The following APPL2 variants were observed in gnomAD, a reference collection of about 807,000 sequenced individuals.
APPL2 encodes the protein DCC-interacting protein 13-beta.
APPL2 carries 84 observed loss-of-function variants against 92.7 expected under a neutral mutation model. The observed-to-expected ratio is 0.91, with a 90% CI of 0.76 to 1.09. APPL2 has a LOEUF of 1.09. Ranked by LOEUF, APPL2 falls within the 50% of genes least tolerant of loss-of-function variation. The pLI is 0.00. For missense variants in APPL2, 736 were observed against 824.5 expected, an observed-to-expected ratio of 0.89 and a Z score of 1.31; for synonymous variants, 291 against 291.0, an observed-to-expected ratio of 1.00 and a Z score of 0.00.
In APPL2 at chr12:105,174,198, A is replaced by G; in HGVS notation, c.*116T>C. On this transcript the variant is annotated 3_prime_UTR_variant, in exon 21 of 21. Coordinates refer to ENST00000258530, the MANE Select transcript of APPL2 (RefSeq NM_018171.5). ...TATCAAGGCATCAAGATTACATTCCACAAACGATTGTCAGCCTTCGGAAAT... is the reference window on the plus strand; with the variant it reads ...TATCAAGGCATCAAGATTACATTCCGCAAACGATTGTCAGCCTTCGGAAAT... The G allele has an allele frequency of 7.6e-7, 1 of 1,322,094 alleles. No homozygotes were observed. The highest frequency in any genetic ancestry group is 1.5e-5 in the South Asian group (1 of 65,252). The allele number at this position is 1,322,094 out of a possible 1,614,324, so 81.9% of individuals were successfully genotyped here. A position where few individuals can be genotyped will look rare whatever the true frequency, so the allele number is the denominator to read the frequency against.
chr12:105,186,781 GC>G (rs1176606778), intron 17 of APPL2, among the ~76,000 whole-genome samples: 1 of 148,950 alleles, frequency 6.7e-6, no homozygotes, highest in East Asian at 1.9e-4. Flanking sequence ...GCGTGCGCAC[GC>G]CATCTTAATA....
intron 2 of APPL2, among the ~76,000 whole-genome samples, chr12:105,220,956 G>A (rs1890053175): frequency 6.6e-6 from 1 of 152,224 alleles, no homozygotes; most frequent in African/African-American, 2.4e-5. Context: ...ATTTCAGGGT[G>A]CAAGACCAAC....
rs540907481 is a variant in APPL2 at position 105,197,056 on chromosome 12, G to A, written c.1052+709C>T. ...AATAGAATGCAGTGTGAGAAGAGCG[G>A]CTCTGATGACGGGCAGGGCCACTCC... On this transcript the variant is annotated intron_variant, in intron 11 of 20. Transcript: ENST00000258530. Among the ~76,000 whole-genome samples the A allele has an allele frequency of 2.6e-5, 4 of 152,254 alleles. No homozygotes were observed. In the East Asian group the frequency reaches 7.7e-4, roughly 29 times the overall value.
At chr12:105,234,832 A>G (rs1051606254) in intron 1 of APPL2, among the ~76,000 whole-genome samples, 1 of 152,152 alleles carries the variant, frequency 6.6e-6, no homozygotes, top group African/African-American at 2.4e-5. Context: ...ATGCAAACTT[A>G]CCAAAAAACA....
chr12:105,216,181 T>C (rs746370836), intron 4 of APPL2, among the ~76,000 whole-genome samples: 4 of 152,150 alleles, frequency 2.6e-5, no homozygotes, highest in Non-Finnish European at 4.4e-5. Flanking sequence ...ATATTCCAAA[T>C]GTACTGTAAA....
In APPL2 at chr12:105,207,847, A is replaced by G. The variant is rs17186015; in HGVS notation, c.474+124T>C. Reference sequence around the variant, plus strand: ...ATGAGATTTGGAATGAACAATTTTAAAAGTCCATGTATAGTTAAAAAAAAA... The same window carrying G: ...ATGAGATTTGGAATGAACAATTTTAGAAGTCCATGTATAGTTAAAAAAAAA... On this transcript the variant is annotated intron_variant, in intron 7 of 20. Transcript: ENST00000258530. 3.3e-3 allele frequency: 2,657 copies of G among 794,274 alleles called. 9 individuals carry two copies. Among genetic ancestry groups the G allele is most frequent in the Middle Eastern group, 1.0e-2 (28 of 2,804 alleles). 49.2% of individuals were successfully genotyped at this position (794,274 alleles called of 1,614,324 possible). A position where few individuals can be genotyped will look rare whatever the true frequency, so the allele number is the denominator to read the frequency against.
Position 105,176,025 on chromosome 12 carries a change from TG to T in APPL2, c.1860+9del, listed in dbSNP as rs755772951. The T allele has an allele frequency of 1.3e-6, 2 of 1,575,962 alleles. No homozygotes were observed. Among genetic ancestry groups the T allele is most frequent in the Admixed American group, 3.9e-5 (2 of 51,708 alleles). ...AGTAGCTACTAAACCAGCGCTAGAA[TG>T]CATCTTACCTTCTGAACCTCAATAA... On this transcript the variant is annotated intron_variant, in intron 20 of 20. Transcript: ENST00000258530.
Position 105,197,266 on chromosome 12 carries a change from G to A in APPL2, c.1052+499C>T, listed in dbSNP as rs554120002. On this transcript the variant is annotated intron_variant, in intron 11 of 20. Coordinates refer to ENST00000258530, the MANE Select transcript of APPL2 (RefSeq NM_018171.5). ...GTACCACCTCTTTGGGGCCCCTCAG[G>A]TACACAGGACATGTGGGAACAGCCT... Among the ~76,000 whole-genome samples the A allele has an allele frequency of 4.5e-4, 69 of 152,288 alleles. No homozygotes were observed. In the South Asian group the frequency reaches 5.2e-3, roughly 11 times the overall value.
chr12:105,189,793 C>A lies in APPL2; in HGVS notation c.1438G>T (p.Glu480Ter), dbSNP rs755706626. ...TTACCTTCTGCTTCTGGAAATGATTCATCCTCAGTTTCACCAAAAGGGTTG... is the reference window on the plus strand; with the variant it reads ...TTACCTTCTGCTTCTGGAAATGATTAATCCTCAGTTTCACCAAAAGGGTTG... Reference protein sequence around the residue: ...RTNPFGETEDESFPEAEDSLL... With the variant: ...RTNPFGETED The change falls in exon 16 of 21, where the codon GAA becomes TAA. Residue 480 changes from glutamate to a stop codon, truncating the protein, a stop_gained. Coordinates refer to ENST00000258530, the MANE Select transcript of APPL2 (RefSeq NM_018171.5). LOFTEE classifies it high-confidence loss of function. 9 of 1,614,084 alleles carry A rather than the reference C, an allele frequency of 5.6e-6. No homozygotes were observed. Among genetic ancestry groups the A allele is most frequent in the Non-Finnish European group, 5.1e-6 (6 of 1,180,042 alleles).
chr12:105,225,262 A>C (rs1890405540), intron 2 of APPL2, among the ~76,000 whole-genome samples: 1 of 152,162 alleles, frequency 6.6e-6, no homozygotes, highest in Non-Finnish European at 1.5e-5. Flanking sequence ...AAGGGTTGCC[A>C]GGTTTCGTGA....
intron 1 of APPL2, among the ~76,000 whole-genome samples, chr12:105,230,426 T>C (rs1890839650): frequency 6.6e-6 from 1 of 152,216 alleles, no homozygotes; most frequent in Non-Finnish European, 1.5e-5. Flanking sequence ...ACAGTGGGAA[T>C]TTAAAGTACT....
At chr12:105,235,818 G>A in intron 1 of APPL2, 141 bp downstream of exon 1, 1 of 559,236 alleles carries the variant, frequency 1.8e-6, no homozygotes, top group Non-Finnish European at 2.6e-6. Context: ...CAGCCCGAGA[G>A]AACCCGGTGG....
intron 17 of APPL2, among the ~76,000 whole-genome samples, chr12:105,186,631 T>TATGATATCG (rs1555248030): frequency 3.3e-5 from 4 of 121,772 alleles, no homozygotes; most frequent in Non-Finnish European, 6.6e-5. Flanking sequence ...ATATATCATA[T>TATGATATCG]ATATCATATA....
chr12:105,196,125 A>C (rs1447777265), intron 11 of APPL2, among the ~76,000 whole-genome samples: 4 of 151,870 alleles, frequency 2.6e-5, no homozygotes, highest in African/African-American at 9.7e-5. Flanking sequence ...CTGATTCACT[A>C]TGTGATCTTG....
Position 105,176,095 on chromosome 12 carries a change from A to C in APPL2, c.1813-13T>G. On this transcript the variant is annotated splice_polypyrimidine_tract_variant and intron_variant, in intron 19 of 20. Transcript: ENST00000258530. The stretch of plus-strand genomic sequence containing the variant: ...TAGCATAACATATCTGCAAAAGACA[A>C]GAAAAGTAGTGATTGGCAAAAGTAG... The C allele has an allele frequency of 6.3e-7, 1 of 1,590,486 alleles. No individual in the cohort carries two copies. Among genetic ancestry groups the C allele is most frequent in the Middle Eastern group, 1.7e-4 (1 of 6,014 alleles).
In APPL2 at chr12:105,174,275, C is replaced by T. The variant is rs1258731197; in HGVS notation, c.*39G>A. The T allele has an allele frequency of 1.9e-6, 3 of 1,608,752 alleles. No individual in the cohort carries two copies. Among genetic ancestry groups the T allele is most frequent in the Non-Finnish European group, 2.5e-6 (3 of 1,177,422 alleles). ...ACGTTAAAACCCTTAGGAGGTAGCT[C>T]TCCTTCCTGTTTGCTCTTCCCCCAC... On this transcript the variant is annotated 3_prime_UTR_variant, in exon 21 of 21. Transcript: ENST00000258530.
chr12:105,227,930 C>A (rs1468051634), intron 2 of APPL2, among the ~76,000 whole-genome samples: 1 of 152,222 alleles, frequency 6.6e-6, no homozygotes, highest in Non-Finnish European at 1.5e-5. Flanking sequence ...TCAACTCTTA[C>A]AATCACCCTC....
intron 8 of APPL2, among the ~76,000 whole-genome samples, chr12:105,206,253 G>T (rs1888692001): frequency 6.6e-6 from 1 of 152,200 alleles, no homozygotes; most frequent in African/African-American, 2.4e-5. Flanking sequence ...TCATATATCA[G>T]GTATTTTTAA....
intron 20 of APPL2, among the ~76,000 whole-genome samples, chr12:105,175,499 A>G (rs192693942): frequency 5.5e-4 from 84 of 152,322 alleles, no homozygotes; most frequent in African/African-American, 1.9e-3. Flanking sequence ...AATCATTTCC[A>G]TTATTGCAGA....
Sources: gnomAD v4.1 joint callset for allele counts (sites outside exome capture counted in the v4.1 genomes callset) on GRCh38, gnomAD v4.1.1 for gene constraint, MANE v1.5 for transcripts, NCBI Gene and HGNC (gene_info 2026-07-23, HGNC 2026-07-21) for gene names.